The following KPNA5 variants were observed in gnomAD, a reference collection of about 807,000 sequenced individuals.
KPNA5 encodes karyopherin subunit alpha 5.
KPNA5 carries 46 observed loss-of-function variants against 71.3 expected under a neutral mutation model. That is an observed-to-expected ratio of 0.65 (90% CI 0.51 to 0.83). The LOEUF (loss-of-function observed/expected upper bound fraction) is 0.83, where lower values mean the gene tolerates loss of function less well. Ranked by LOEUF, KPNA5 falls within the 40% of genes least tolerant of loss-of-function variation. The pLI, the probability that KPNA5 is intolerant of heterozygous loss-of-function variation, is 0.00. For missense variants in KPNA5, 547 were observed against 628.3 expected (o/e 0.87, Z 1.38); for synonymous variants, 207 against 201.4 (o/e 1.03, Z -0.24).
chr6:116,711,535 CAT>C (rs1491503268), intron 7 of KPNA5, among the ~76,000 whole-genome samples: 20 of 103,036 alleles, frequency 1.9e-4, no homozygotes, highest in Middle Eastern at 4.4e-3. Flanking sequence ...GTATTTTCTG[CAT>C]ATGTGTGTGT....
At chr6:116,716,043 A>G (rs1778871497) in intron 7 of KPNA5, among the ~76,000 whole-genome samples, 176 bp from the exon 8 acceptor site, 1 of 152,192 alleles carries the variant, frequency 6.6e-6, no homozygotes. Context: ...TTTAGAAAAT[A>G]GAACTGTAAT....
intron 1 of KPNA5, among the ~76,000 whole-genome samples, chr6:116,685,219 A>G (rs1777529284): frequency 6.6e-6 from 1 of 152,230 alleles, no homozygotes; most frequent in South Asian, 2.1e-4. Context: ...ATAGATGCCA[A>G]CAATGTGGAC....
At chr6:116,704,929 A>T (rs1033975329) in intron 6 of KPNA5, 143 bp from the exon 7 acceptor site, 3 of 596,760 alleles carry the variant, frequency 5.0e-6, no homozygotes, top group Non-Finnish European at 8.5e-6. Flanking sequence ...TATTAAATTG[A>T]ATTTTAAAAG....
At position 116,732,194 on chromosome 6, in the gene KPNA5, AT is replaced by A; in HGVS notation, c.1494del (p.Phe498LeufsTer3). 6.3e-7 allele frequency: 1 copy of A among 1,575,758 alleles called. No individual in the cohort carries two copies. Among genetic ancestry groups the A allele is most frequent in the Non-Finnish European group, 8.6e-7 (1 of 1,162,464 alleles). On this transcript the variant is annotated frameshift_variant, in exon 14 of 14. Transcript: ENST00000368564. LOFTEE classifies it high-confidence loss of function. ...AAAATCAGGAAATTTACCAGAAGGCATTTGATCTGATTGAACATTACTTTGG... is the reference window on the plus strand; with the variant it reads ...AAAATCAGGAAATTTACCAGAAGGCATTGATCTGATTGAACATTACTTTGG... ...HENQEIYQKA[F>X]DLIEHYFGVE...
At chr6:116,688,239 A>G (rs191372609) in intron 1 of KPNA5, among the ~76,000 whole-genome samples, 5 of 152,268 alleles carry the variant, frequency 3.3e-5, no homozygotes, top group Admixed American at 3.3e-4. Flanking sequence ...TGTACTCCTT[A>G]CAATAAAATT....
In KPNA5 at chr6:116,692,276, T is replaced by G. The variant is rs1049699323; in HGVS notation, c.241-17T>G. 2.0e-6 allele frequency: 3 copies of G among 1,503,724 alleles called. No individual in the cohort carries two copies. The African/African-American group carries it at 4.2e-5, about 21-fold the overall frequency. 93.1% of individuals were successfully genotyped at this position (1,503,724 alleles called of 1,614,324 possible). A position where few individuals can be genotyped will look rare whatever the true frequency, so the allele number is the denominator to read the frequency against. On this transcript the variant is annotated splice_polypyrimidine_tract_variant and intron_variant, in intron 3 of 13. Transcript: ENST00000368564. ...AAATATGTAAATGTTAATTATATTT[T>G]TGTGTGTGTGTTTTAGGAAGAAGTT...
intron 7 of KPNA5, 49 bp from the exon 8 acceptor site, chr6:116,716,170 G>T: frequency 7.2e-7 from 1 of 1,390,600 alleles, no homozygotes; most frequent in Admixed American, 1.9e-5. Flanking sequence ...TAGCTAAAGA[G>T]GAAAAATGAA....
chr6:116,732,155 T>C lies in KPNA5; in HGVS notation c.1452T>C (p.Phe484=), dbSNP rs766458343. The C allele has an allele frequency of 6.6e-7, 1 of 1,510,316 alleles. No homozygotes were observed. The highest frequency in any genetic ancestry group is 2.5e-5 in the East Asian group (1 of 39,500). The allele number at this position is 1,510,316 out of a possible 1,614,324, so 93.6% of individuals were successfully genotyped here. A position where few individuals can be genotyped will look rare whatever the true frequency, so the allele number is the denominator to read the frequency against. The change falls in exon 14 of 14, where the codon TTT becomes TTC. Residue 484 remains phenylalanine, a synonymous_variant. Transcript: ENST00000368564. ...EEAYGLDKIE[F]LQSHENQEIY... ...TAACAGGTCTGGATAAAATTGAGTT[T>C]TTGCAAAGCCATGAAAATCAGGAAA...
intron 5 of KPNA5, among the ~76,000 whole-genome samples, chr6:116,700,221 C>T (rs1253719406): frequency 6.6e-6 from 1 of 152,108 alleles, no homozygotes; most frequent in African/African-American, 2.4e-5. Flanking sequence ...CCTGTAATCC[C>T]AGCACTTTGG....
At position 116,733,592 on chromosome 6, in the gene KPNA5, T is replaced by G. The variant is rs1194826251; in HGVS notation, c.*1269T>G. On this transcript the variant is annotated 3_prime_UTR_variant, in exon 14 of 14. Transcript: ENST00000368564. ...GAAAGGTTTCAATAGAAAAATTATATATATATTTATACATATATATGTGTG... is the reference window on the plus strand; with the variant it reads ...GAAAGGTTTCAATAGAAAAATTATAGATATATTTATACATATATATGTGTG... 6.6e-6 allele frequency: 1 copy of G among 151,272 alleles called. No individual in the cohort carries two copies. The highest frequency in any genetic ancestry group is 1.5e-5 in the Non-Finnish European group (1 of 67,562). The allele number at this position is 151,272 out of a possible 1,614,324, so 9.4% of individuals were successfully genotyped here.
chr6:116,691,946 A>G, intron 2 of KPNA5, 109 bp from the exon 3 acceptor site: 1 of 716,204 alleles, frequency 1.4e-6, no homozygotes, highest in Non-Finnish European at 2.4e-6. Context: ...ATTTTAAGTT[A>G]TAAAATTGAT....
At chr6:116,708,888 C>T (rs1044286871) in intron 7 of KPNA5, among the ~76,000 whole-genome samples, 14 of 152,120 alleles carry the variant, frequency 9.2e-5, no homozygotes, top group Admixed American at 3.9e-4. Flanking sequence ...CAGGTTCAAG[C>T]GATGCTCGTG....
At chr6:116,687,634 C>T (rs761126996) in intron 1 of KPNA5, among the ~76,000 whole-genome samples, 4 of 152,178 alleles carry the variant, frequency 2.6e-5, no homozygotes, top group Admixed American at 6.5e-5. Context: ...ATCCTCCATC[C>T]GTATTCTCTG....
intron 1 of KPNA5, among the ~76,000 whole-genome samples, chr6:116,687,334 T>G (rs1389794147): frequency 6.6e-6 from 1 of 152,146 alleles, no homozygotes; most frequent in African/African-American, 2.4e-5. Flanking sequence ...TCCACTTTTC[T>G]GAAATTCAGG....
intron 2 of KPNA5, among the ~76,000 whole-genome samples, chr6:116,690,630 A>T (rs10046142): frequency 0.049 from 7,409 of 150,218 alleles, 553 homozygotes; most frequent in African/African-American, 0.16. Context: ...GCGACAGAGT[A>T]AGACTCCATC....
Position 116,735,849 on chromosome 6 carries a change from T to G in KPNA5, c.*3526T>G, listed in dbSNP as rs1263454813. On this transcript the variant is annotated 3_prime_UTR_variant, in exon 14 of 14. Coordinates refer to ENST00000368564, the MANE Select transcript of KPNA5 (RefSeq NM_001366306.2). ...GAACAAATAGCAAGAAAGATCAAAC[T>G]CAGTTATATCAGTAGTCACAGTAAT... 6.6e-6 allele frequency: 1 copy of G among 151,662 alleles called. No individual in the cohort carries two copies. Among genetic ancestry groups the G allele is most frequent in the African/African-American group, 2.4e-5 (1 of 41,390 alleles). The allele number at this position is 151,662 out of a possible 1,614,324, so 9.4% of individuals were successfully genotyped here. A position where few individuals can be genotyped will look rare whatever the true frequency, so the allele number is the denominator to read the frequency against.
At chr6:116,697,202 A>AT (rs1778061061) in intron 4 of KPNA5, among the ~76,000 whole-genome samples, 2 of 152,022 alleles carry the variant, frequency 1.3e-5, no homozygotes, top group East Asian at 1.9e-4. Context: ...TTTTGTTTTG[A>AT]TTTTTTTAAG....
intron 6 of KPNA5, among the ~76,000 whole-genome samples, chr6:116,703,552 C>T (rs185542876): frequency 1.6e-3 from 240 of 152,078 alleles, no homozygotes; most frequent in Non-Finnish European, 2.5e-3. Context: ...TGTGAGCCAC[C>T]GCGCCCGGCC....
At position 116,735,117 on chromosome 6, in the gene KPNA5, TTA is replaced by T. The variant is rs1779625015; in HGVS notation, c.*2795_*2796del. On this transcript the variant is annotated 3_prime_UTR_variant, in exon 14 of 14. Transcript: ENST00000368564. The stretch of plus-strand genomic sequence containing the variant: ...TTTTAAGTGATAGTGTCCTTAAATT[TTA>T]GTGTCATTTGGTCAACTTACTGGTA... 1 of 151,778 alleles carries T rather than the reference TTA, an allele frequency of 6.6e-6. No homozygotes were observed. The highest frequency in any genetic ancestry group is 2.4e-5 in the African/African-American group (1 of 41,430). 9.4% of individuals were successfully genotyped at this position (151,778 alleles called of 1,614,324 possible). A position where few individuals can be genotyped will look rare whatever the true frequency, so the allele number is the denominator to read the frequency against.
Sources: gnomAD v4.1 joint callset for allele counts (sites outside exome capture counted in the v4.1 genomes callset) on GRCh38, gnomAD v4.1.1 for gene constraint, MANE v1.5 for transcripts, NCBI Gene and HGNC (gene_info 2026-07-23, HGNC 2026-07-21) for gene names.